Variants in MSANTD7 observed in about 807,000 individuals in gnomAD.
MSANTD7 encodes the protein Myb/SANT DNA binding domain containing 7, also known as zinc finger and SCAN domain containing 29.
the MSANTD7 span, chr10:14,841,148 A>G: frequency 6.6e-6 from 1 of 152,190 alleles, no homozygotes; most frequent in Non-Finnish European, 1.5e-5. Flanking sequence ...TGAACTTGAT[A>G]TTAATCTTTT....
the MSANTD7 span, chr10:14,838,565 C>T: frequency 9.1e-7 from 1 of 1,103,482 alleles, no homozygotes; most frequent in Non-Finnish European, 1.3e-6. Flanking sequence ...CTAGGGATGT[C>T]GTGGAGTGGC....
chr10:14,843,496 A>G, the MSANTD7 span: 1 of 1,550,616 alleles, frequency 6.4e-7, no homozygotes, highest in African/African-American at 1.4e-5. Flanking sequence ...CTGCACCAGC[A>G]CCAACCGCAG....
At chr10:14,844,123 G>GT in the MSANTD7 span, 1 of 1,351,048 alleles carries the variant, frequency 7.4e-7, no homozygotes, top group Non-Finnish European at 9.5e-7. Context: ...ATGGAGCCAC[G>GT]TTCTAGACAG....
chr10:14,838,721 C>T, the MSANTD7 span: 1 of 475,022 alleles, frequency 2.1e-6, no homozygotes, highest in Admixed American at 4.0e-5. Context: ...GGCGGGATGC[C>T]CGGAGGGGTC....
the MSANTD7 span, chr10:14,839,883 T>C: frequency 1.3e-6 from 2 of 1,583,266 alleles, no homozygotes. Context: ...TGAGACTATG[T>C]ATTTCGTGTT....
the MSANTD7 span, among the ~76,000 whole-genome samples, chr10:14,840,433 ATTT>A: frequency 6.6e-6 from 1 of 152,028 alleles, no homozygotes; most frequent in African/African-American, 2.4e-5. Flanking sequence ...ACATTTTTAG[ATTT>A]TTTTTAACTG....
At chr10:14,843,848 G>A in the MSANTD7 span, 2 of 1,536,378 alleles carry the variant, frequency 1.3e-6, no homozygotes, top group Admixed American at 3.9e-5. Flanking sequence ...TTTCAGCTAG[G>A]CCTTGAAAAA....
chr10:14,843,746 G>T, the MSANTD7 span: 4 of 1,536,550 alleles, frequency 2.6e-6, no homozygotes, highest in African/African-American at 4.1e-5. Flanking sequence ...GAGGAGGCCA[G>T]TGCTCAGCAA....
chr10:14,842,437 G>A, the MSANTD7 span: 5 of 1,536,188 alleles, frequency 3.3e-6, no homozygotes, highest in Non-Finnish European at 4.4e-6. This position sits in a 1 kb window ranked among gnomAD's most constrained non-coding sequence, Gnocchi z 5.2. Context: ...AGCGAATGCA[G>A]CAGGAGGGCT....
At chr10:14,839,431 C>T in the MSANTD7 span, among the ~76,000 whole-genome samples, 2 of 151,998 alleles carry the variant, frequency 1.3e-5, no homozygotes, top group South Asian at 4.2e-4. Flanking sequence ...AAAAATTAGC[C>T]GGGAACGCCT....
the MSANTD7 span, chr10:14,844,520 T>C: frequency 2.0e-6 from 2 of 987,360 alleles, no homozygotes; most frequent in Non-Finnish European, 2.4e-6. Flanking sequence ...TGTACCTTAA[T>C]CTCTTACATT....
the MSANTD7 span, chr10:14,846,918 C>CT: frequency 7.6e-5 from 75 of 985,168 alleles, no homozygotes; most frequent in Non-Finnish European, 8.9e-5. Flanking sequence ...AAATAAGGTG[C>CT]TATGTATACC....
the MSANTD7 span, chr10:14,845,645 G>A: frequency 3.4e-6 from 2 of 580,494 alleles, no homozygotes; most frequent in Non-Finnish European, 4.3e-6. Flanking sequence ...CCAGGCTGGG[G>A]TGCAGTGGTG....
the MSANTD7 span, chr10:14,838,477 T>C: frequency 6.3e-7 from 1 of 1,595,246 alleles, no homozygotes. Flanking sequence ...GCTGCGGAGC[T>C]GGGCTAGGGC....
At chr10:14,838,662 G>C in the MSANTD7 span, 4 of 529,774 alleles carry the variant, frequency 7.6e-6, no homozygotes, top group African/African-American at 8.1e-5. Context: ...CTACTCCGCG[G>C]CGGAGGCTCG....
chr10:14,844,323 A>C, the MSANTD7 span: 1 of 1,039,298 alleles, frequency 9.6e-7, no homozygotes, highest in Non-Finnish European at 1.2e-6. Flanking sequence ...TAAGTTATTA[A>C]TTCATATGGC....
the MSANTD7 span, among the ~76,000 whole-genome samples, chr10:14,839,747 A>G: frequency 2.6e-5 from 4 of 152,352 alleles, no homozygotes; most frequent in African/African-American, 4.8e-5. Context: ...TAGGCTTTCT[A>G]TGAAAACGAG....
chr10:14,841,692 G>T, the MSANTD7 span, among the ~76,000 whole-genome samples: 3 of 152,218 alleles, frequency 2.0e-5, no homozygotes, highest in Non-Finnish European at 2.9e-5. Flanking sequence ...AAAAAAATTT[G>T]TATTAGCAGA....
chr10:14,842,573 G>C, the MSANTD7 span: 2 of 1,536,108 alleles, frequency 1.3e-6, no homozygotes, highest in Non-Finnish European at 1.7e-6. The surrounding 1 kb of genome is among the most constrained non-coding windows in gnomAD (Gnocchi z 5.2). Flanking sequence ...TGATACGTTG[G>C]ATCAGCTTCT....
Sources: gnomAD v4.1 joint callset for allele counts (sites outside exome capture counted in the v4.1 genomes callset) on GRCh38, gnomAD v4.1.1 for gene constraint, Gnocchi (gnomAD v3.1) non-coding constraint, MANE v1.5 for transcripts, NCBI Gene and HGNC (gene_info 2026-07-23, HGNC 2026-07-21) for gene names.